The following PLA2G4D variants were observed in gnomAD, a reference collection of about 807,000 sequenced individuals.
The protein encoded by PLA2G4D is phospholipase A2 group IVD.
A neutral mutation model predicts 94.4 loss-of-function variants in PLA2G4D; 80 were observed. The ratio of observed to expected loss-of-function variants is 0.85; its 90% CI spans 0.71 to 1.02. PLA2G4D has a LOEUF of 1.02. PLA2G4D is among the 50% of genes least tolerant of loss of function. PLA2G4D has a pLI of 0.00. For missense variants in PLA2G4D, 1,050 were observed against 1,034.7 expected (o/e 1.01, Z -0.20); for synonymous variants, 438 against 440.9 (o/e 0.99, Z 0.08).
rs199624325 is a variant in PLA2G4D, at chr15:42,081,833, G to A, written c.785C>T (p.Ala262Val). 1 of 1,614,006 alleles carries A rather than the reference G, an allele frequency of 6.2e-7. No homozygotes were observed. Among genetic ancestry groups the A allele is most frequent in the African/African-American group, 1.3e-5 (1 of 74,958 alleles). Residue 262 changes from alanine (A) to valine (V), a missense_variant and splice_region_variant, in exon 10 of 20, where the codon GCC becomes GTC. Coordinates refer to ENST00000290472, the MANE Select transcript of PLA2G4D (RefSeq NM_178034.4). ...EVTMDVPAPN[A>V]PGVRLQLKAE... ...CTTGAGCTGCAGCCTCACTCCTGGG[G>A]CCTGAAATCAAAGCCAGAGACTCTG...
chr15:42,072,153 A>T, intron 14 of PLA2G4D, 122 bp downstream of exon 14: 1 of 1,046,636 alleles, frequency 9.6e-7, no homozygotes, highest in Non-Finnish European at 1.4e-6. Flanking sequence ...CCTCAGCACC[A>T]CTGCCCTTCC....
intron 1 of PLA2G4D, among the ~76,000 whole-genome samples, chr15:42,091,398 G>A (rs1024062050): frequency 8.5e-5 from 13 of 152,246 alleles, no homozygotes; most frequent in African/African-American, 2.9e-4. Context: ...GACACAGTGA[G>A]AAGTGACCAG....
In PLA2G4D at chr15:42,082,310, T is replaced by C. The variant is rs144365325; in HGVS notation, c.752A>G (p.Lys251Arg). The C allele has an allele frequency of 2.8e-5, 45 of 1,614,018 alleles. No individual in the cohort carries two copies. The highest frequency in any genetic ancestry group is 3.6e-5 in the Non-Finnish European group (43 of 1,179,994). Residue 251 changes from lysine (K) to arginine (R), a missense_variant, in exon 9 of 20, where the codon AAG (lysine) becomes AGG (arginine). Coordinates refer to ENST00000290472, the MANE Select transcript of PLA2G4D (RefSeq NM_178034.4). The part of the protein sequence containing the change: ...TVPLRPLTIG[K>R]EVTMDVPAPN... ...AGCAGGAACATCCATAGTCACCTCC[T>C]TCCCAATGGTCAAGGGCCTCAGGGG...
intron 1 of PLA2G4D, among the ~76,000 whole-genome samples, chr15:42,091,863 G>A (rs1019923205): frequency 5.3e-5 from 8 of 152,046 alleles, no homozygotes; most frequent in Admixed American, 1.3e-4. Context: ...TCTCTGCCTC[G>A]GCTACCAGGC....
intron 7 of PLA2G4D, 105 bp downstream of exon 7, chr15:42,083,611 A>T: frequency 7.2e-7 from 1 of 1,385,768 alleles, no homozygotes; most frequent in Non-Finnish European, 1.0e-6. Flanking sequence ...AGAGAGAGGC[A>T]AGCTCTACCC....
At chr15:42,070,670 G>A in intron 18 of PLA2G4D, 47 bp downstream of exon 18, 1 of 1,534,394 alleles carries the variant, frequency 6.5e-7, no homozygotes, top group Non-Finnish European at 8.8e-7. Flanking sequence ...CGCCTCTGGA[G>A]CTTGGCCTGG....
chr15:42,069,733 T>C (rs4924614), intron 19 of PLA2G4D, among the ~76,000 whole-genome samples, 176 bp downstream of exon 19: 11,315 of 152,202 alleles, frequency 0.074, 583 homozygotes, highest in Middle Eastern at 0.13. Flanking sequence ...TGCAGGGATG[T>C]GGGCATCAGC....
intron 18 of PLA2G4D, 65 bp from the exon 19 acceptor site, chr15:42,070,160 G>A (rs1889775646): frequency 7.4e-7 from 1 of 1,351,874 alleles, no homozygotes; most frequent in African/African-American, 1.5e-5. Context: ...GCCAGTTCCA[G>A]CCCACACCAG....
At chr15:42,087,196 G>C in intron 3 of PLA2G4D, 104 bp downstream of exon 3, 1 of 1,467,336 alleles carries the variant, frequency 6.8e-7, no homozygotes, top group South Asian at 1.2e-5. Flanking sequence ...CTACTGCTGA[G>C]AGTTTCTCTG....
chr15:42,091,894 G>C (rs972766390), intron 1 of PLA2G4D, among the ~76,000 whole-genome samples: 1 of 152,314 alleles, frequency 6.6e-6, no homozygotes, highest in African/African-American at 2.4e-5. Flanking sequence ...CCCCTGTCCA[G>C]TGGACACGTG....
chr15:42,088,456 G>C (rs2141103569), intron 1 of PLA2G4D, among the ~76,000 whole-genome samples: 1 of 152,324 alleles, frequency 6.6e-6, no homozygotes, highest in East Asian at 1.9e-4. Context: ...GCTGAGGCCT[G>C]CTGGGGTCAG....
chr15:42,070,205 C>A, intron 18 of PLA2G4D, 110 bp from the exon 19 acceptor site: 1 of 1,148,696 alleles, frequency 8.7e-7, no homozygotes, highest in African/African-American at 1.6e-5. Flanking sequence ...CTGGCTCTGT[C>A]CTGTTTGTGG....
At position 42,067,191 on chromosome 15, in the gene PLA2G4D, G is replaced by GGTGTGT. The variant is rs139138179; in HGVS notation, c.*1518_*1523dup. The GGTGTGT allele has an allele frequency of 9.9e-5, 15 of 151,230 alleles. No individual in the cohort carries two copies. Among genetic ancestry groups the GGTGTGT allele is most frequent in the African/African-American group, 3.2e-4 (13 of 41,256 alleles). The allele number at this position is 151,230 out of a possible 1,614,324, so 9.4% of individuals were successfully genotyped here. A position where few individuals can be genotyped will look rare whatever the true frequency, so the allele number is the denominator to read the frequency against. On this transcript the variant is annotated 3_prime_UTR_variant, in exon 20 of 20. Coordinates refer to ENST00000290472, the MANE Select transcript of PLA2G4D (RefSeq NM_178034.4). ...TCACTACAACCCCCACCTGGGGCCA[G>GGTGTGT]GTGTGTGTGTGTGTGTATGTGTACA...
At chr15:42,083,986 C>T (rs1378059707) in intron 6 of PLA2G4D, 7 of 572,584 alleles carry the variant, frequency 1.2e-5, no homozygotes, top group Non-Finnish European at 2.2e-5. Flanking sequence ...GCCAGGAGGG[C>T]CCTGGCTCCA....
intron 1 of PLA2G4D, among the ~76,000 whole-genome samples, chr15:42,092,486 TACTGAGATAACCGACACTTTA>T (rs1890261678): frequency 6.6e-6 from 1 of 152,216 alleles, no homozygotes; most frequent in Admixed American, 6.5e-5. Flanking sequence ...CTAATATGAT[TACTGAGATAACCGACACTTTA>T]ACTGATATGA....
In PLA2G4D at chr15:42,070,896, G is replaced by A. The variant is rs755208719; in HGVS notation, c.1877-13C>T. 1.6e-5 allele frequency: 26 copies of A among 1,607,846 alleles called. No homozygotes were observed. The East Asian group carries it at 2.0e-4, about 12-fold the overall frequency. On this transcript the variant is annotated splice_polypyrimidine_tract_variant and intron_variant, in intron 17 of 19. Transcript: ENST00000290472. Reference sequence around the variant, plus strand: ...TCAAGCTGGTAGTCTGGTGGGAATCGCAGGATGGTCAGAGGCCACCACCCT... The same window carrying A: ...TCAAGCTGGTAGTCTGGTGGGAATCACAGGATGGTCAGAGGCCACCACCCT...
intron 1 of PLA2G4D, among the ~76,000 whole-genome samples, chr15:42,091,046 C>T (rs78404052): frequency 2.7e-3 from 414 of 152,246 alleles, no homozygotes; most frequent in African/African-American, 9.5e-3. Flanking sequence ...CGACACATTC[C>T]GAGCCACAGT....
At position 42,086,267 on chromosome 15, in the gene PLA2G4D, G is replaced by A; in HGVS notation, c.333C>T (p.Ile111=). 1 of 1,601,164 alleles carries A rather than the reference G, an allele frequency of 6.2e-7. No individual in the cohort carries two copies. Among genetic ancestry groups the A allele is most frequent in the Non-Finnish European group, 8.5e-7 (1 of 1,177,240 alleles). The stretch of plus-strand genomic sequence containing the variant: ...GCAGCTTGCCAGGGAGGACTTCTGA[G>A]ATGTCATAGAGAACCTTGAAGCAGA... ...DDICFKVLYD[I]SEVLPGKLLR... The change falls in exon 4 of 20, where the codon ATC becomes ATT. Residue 111 remains isoleucine (I), a synonymous_variant. Coordinates refer to ENST00000290472, the MANE Select transcript of PLA2G4D (RefSeq NM_178034.4).
chr15:42,093,858 C>G (rs1223327223), intron 1 of PLA2G4D, among the ~76,000 whole-genome samples: 4 of 152,162 alleles, frequency 2.6e-5, no homozygotes, highest in Non-Finnish European at 4.4e-5. Context: ...CTCTGCTGGC[C>G]TTGGTCCCTG....
Sources: gnomAD v4.1 joint callset for allele counts (sites outside exome capture counted in the v4.1 genomes callset) on GRCh38, gnomAD v4.1.1 for gene constraint, MANE v1.5 for transcripts, NCBI Gene and HGNC (gene_info 2026-07-23, HGNC 2026-07-21) for gene names.